Variants in SNED1 observed in about 807,000 individuals in gnomAD.
SNED1 encodes the protein sushi, nidogen and EGF-like domain-containing protein 1.
Under a neutral mutation model 166.7 loss-of-function variants are expected in SNED1, and 81 were observed. The observed-to-expected ratio is 0.49, with a 90% CI of 0.41 to 0.58. The LOEUF (loss-of-function observed/expected upper bound fraction) is 0.58. SNED1 is among the 20% of genes least tolerant of loss of function. SNED1 has a pLI of 0.00. For missense variants in SNED1, 1,604 were observed against 2,000.2 expected, an observed-to-expected ratio of 0.80 and a Z score of 3.78; for synonymous variants, 762 against 822.0, an observed-to-expected ratio of 0.93 and a Z score of 1.25.
chr2:241,074,699 T>C (rs1411618926), intron 27 of SNED1: 1 of 152,216 alleles, frequency 6.6e-6, no homozygotes, highest in Non-Finnish European at 1.5e-5. Flanking sequence ...GACTCTTTAA[T>C]GGCCCCTCGA....
chr2:240,998,729 C>A lies in SNED1; in HGVS notation c.-109C>A. On this transcript the variant is annotated 5_prime_UTR_variant, in exon 1 of 32. Coordinates refer to ENST00000310397, the MANE Select transcript of SNED1 (RefSeq NM_001080437.3). ...CCCCCGACGGCGCGGCCAGCGGGCG[C>A]GCCCGCGCTCCCCGCACCCCGCCTG... is the stretch of plus-strand genomic sequence containing the variant. The A allele has an allele frequency of 3.0e-6, 1 of 332,006 alleles. No homozygotes were observed. Among genetic ancestry groups the A allele is most frequent in the Non-Finnish European group, 4.3e-6 (1 of 234,868 alleles). 20.6% of individuals were successfully genotyped at this position (332,006 alleles called of 1,614,324 possible). A position where few individuals can be genotyped will look rare whatever the true frequency, so the allele number is the denominator to read the frequency against.
In SNED1 at chr2:241,068,094, G is replaced by A. The variant is rs1304758152; in HGVS notation, c.3194+147G>A. 2.8e-5 allele frequency: 22 copies of A among 773,012 alleles called. No homozygotes were observed. Among genetic ancestry groups the A allele is most frequent in the Non-Finnish European group, 4.5e-5 (22 of 491,668 alleles). 47.9% of individuals were successfully genotyped at this position (773,012 alleles called of 1,614,324 possible). ...CTGAGCGGAGACAAAGGTCTCAGGT[G>A]AGCCAGCCTCAGACCCTGGAGGCTT... On this transcript the variant is annotated intron_variant, in intron 22 of 31. Transcript: ENST00000310397. This position sits in a 1 kb window ranked among gnomAD's most constrained non-coding sequence, Gnocchi z 5.3.
intron 8 of SNED1, among the ~76,000 whole-genome samples, chr2:241,046,631 A>G (rs1047236690): frequency 6.6e-6 from 1 of 152,222 alleles, no homozygotes; most frequent in African/African-American, 2.4e-5. Flanking sequence ...AGTAGTTGCC[A>G]GGGACTGAGG....
intron 5 of SNED1, 42 bp downstream of exon 5, chr2:241,036,957 T>G: frequency 6.3e-7 from 1 of 1,576,668 alleles, no homozygotes; most frequent in East Asian, 2.3e-5. Flanking sequence ...CTGGCTGCGC[T>G]GGGCTCAGGA....
At chr2:241,000,761 A>G (rs1280553311) in intron 1 of SNED1, among the ~76,000 whole-genome samples, 1 of 152,262 alleles carries the variant, frequency 6.6e-6, no homozygotes, top group African/African-American at 2.4e-5. Flanking sequence ...CAAAACATTT[A>G]TCTCCATCGG....
intron 6 of SNED1, among the ~76,000 whole-genome samples, chr2:241,038,069 A>C (rs1372924311): frequency 1.8e-4 from 26 of 145,822 alleles, no homozygotes; most frequent in South Asian, 6.6e-4. Context: ...AGAAAGGTGG[A>C]CCCCCCCCCA....
chr2:241,065,232 G>A, intron 20 of SNED1, 67 bp from the exon 21 acceptor site: 8 of 1,547,518 alleles, frequency 5.2e-6, no homozygotes, highest in South Asian at 1.2e-5. Flanking sequence ...AGCCGCCGAC[G>A]GGAGCCAGGC....
At position 241,087,063 on chromosome 2, in the gene SNED1, C is replaced by T. The variant is rs1276377418; in HGVS notation, c.4122-329C>T. On this transcript the variant is annotated intron_variant, in intron 29 of 31. Coordinates refer to ENST00000310397, the MANE Select transcript of SNED1 (RefSeq NM_001080437.3). ...CGAGGCCATACCTTCCCCAGGCCTCCGGCCAGGTGGCTGCCTCTAGCACTG... is the reference window on the plus strand; with the variant it reads ...CGAGGCCATACCTTCCCCAGGCCTCTGGCCAGGTGGCTGCCTCTAGCACTG... The T allele has an allele frequency of 3.8e-5, 9 of 238,422 alleles. No individual in the cohort carries two copies. The East Asian group carries it at 4.4e-4, about 12-fold the overall frequency. The allele number at this position is 238,422 out of a possible 1,614,324, so 14.8% of individuals were successfully genotyped here. A position where few individuals can be genotyped will look rare whatever the true frequency, so the allele number is the denominator to read the frequency against.
chr2:241,040,980 A>G, intron 8 of SNED1: 1 of 399,468 alleles, frequency 2.5e-6, no homozygotes, highest in Non-Finnish European at 5.1e-6. Context: ...CTGCCTCCAG[A>G]GGCTCACCCA....
chr2:241,072,113 G>T, intron 26 of SNED1: 1 of 698,766 alleles, frequency 1.4e-6, no homozygotes, highest in Non-Finnish European at 2.6e-6. Flanking sequence ...GTGGGCTGGA[G>T]GCGCAGGCTG....
chr2:241,012,199 A>T (rs1480317672), intron 1 of SNED1, among the ~76,000 whole-genome samples: 1 of 152,116 alleles, frequency 6.6e-6, no homozygotes, highest in Non-Finnish European at 1.5e-5. Flanking sequence ...AGCCCCAGGG[A>T]CCTCGGCCAC....
At chr2:241,049,970 C>A (rs1440723963) in intron 12 of SNED1, 37 bp downstream of exon 12, 1 of 1,495,586 alleles carries the variant, frequency 6.7e-7, no homozygotes, top group African/African-American at 1.4e-5. Context: ...GGCGTCAGCA[C>A]CCTGGAGAGC....
chr2:241,064,306 T>C lies in SNED1; in HGVS notation c.2599+181T>C, dbSNP rs2062352286. 6.6e-6 allele frequency among the ~76,000 whole-genome samples: 1 copy of C among 151,384 alleles called. No individual in the cohort carries two copies. The highest frequency in any genetic ancestry group is 2.1e-4 in the South Asian group (1 of 4,790). On this transcript the variant is annotated intron_variant, in intron 19 of 31. Transcript: ENST00000310397. The surrounding 1 kb of genome is among the most constrained non-coding windows in gnomAD (Gnocchi z 7.0). ...GTGGCCCTCCGCCTGTCTCCCTTGGTCCCACAATGGTGCCTTCTAAACCTC... is the reference window on the plus strand; with the variant it reads ...GTGGCCCTCCGCCTGTCTCCCTTGGCCCCACAATGGTGCCTTCTAAACCTC...
chr2:241,011,523 G>C (rs2060402735), intron 1 of SNED1, among the ~76,000 whole-genome samples: 1 of 152,228 alleles, frequency 6.6e-6, no homozygotes, highest in South Asian at 2.1e-4. Context: ...CGAGTGCTCA[G>C]GTCCACACCT....
intron 29 of SNED1, among the ~76,000 whole-genome samples, chr2:241,082,767 T>C (rs951957042): frequency 6.6e-6 from 1 of 152,358 alleles, no homozygotes; most frequent in East Asian, 1.9e-4. Context: ...TAACTCATGA[T>C]GTGGCCTTAG....
chr2:241,090,038 A>T, intron 31 of SNED1: 1 of 1,545,364 alleles, frequency 6.5e-7, no homozygotes, highest in Non-Finnish European at 8.7e-7. Flanking sequence ...ACAATAATAA[A>T]TTAGTCCTGC....
intron 2 of SNED1, among the ~76,000 whole-genome samples, chr2:241,031,895 G>A (rs566768613): frequency 2.0e-5 from 3 of 152,206 alleles, no homozygotes; most frequent in Non-Finnish European, 2.9e-5. Context: ...CAAGCGGCAC[G>A]TGAATTTGTT....
At chr2:241,008,397 C>A (rs1246867942) in intron 1 of SNED1, among the ~76,000 whole-genome samples, 2 of 152,228 alleles carry the variant, frequency 1.3e-5, no homozygotes, top group African/African-American at 4.8e-5. Context: ...GACAAGCTGC[C>A]CCCACAGGGT....
rs755943717 is a variant in SNED1, at chr2:241,036,324, CGGCCGCCCAGCA to C, written c.806-465_806-454del. Among the ~76,000 whole-genome samples the C allele has an allele frequency of 1.2e-3, 178 of 151,784 alleles. 1 individual carries two copies. The Middle Eastern group carries it at 0.017, about 15-fold the overall frequency. ...GGCTCACGGGGCGGGGAGCCCAGAG[CGGCCGCCCAGCA>C]TCCGAGGGACACAGCCCTCCTGCAG... On this transcript the variant is annotated intron_variant, in intron 4 of 31. Transcript: ENST00000310397.
Sources: gnomAD v4.1 joint callset for allele counts (sites outside exome capture counted in the v4.1 genomes callset) on GRCh38, gnomAD v4.1.1 for gene constraint, Gnocchi (gnomAD v3.1) non-coding constraint, MANE v1.5 for transcripts, NCBI Gene and HGNC (gene_info 2026-07-23, HGNC 2026-07-21) for gene names.